The following BLTP3B variants were observed in gnomAD, a reference collection of about 807,000 sequenced individuals.
The protein encoded by BLTP3B is bridge-like lipid transfer protein family member 3B, also known as UHRF1 (ICBP90) binding protein 1-like.
the BLTP3B span, among the ~76,000 whole-genome samples, chr12:100,038,752 AAT>A: frequency 6.6e-6 from 1 of 152,196 alleles, no homozygotes; most frequent in Non-Finnish European, 1.5e-5. Flanking sequence ...TATTAGAGCA[AAT>A]ATATTAGAGC....
the BLTP3B span, among the ~76,000 whole-genome samples, chr12:100,118,552 G>T: frequency 6.6e-6 from 1 of 152,118 alleles, no homozygotes; most frequent in Non-Finnish European, 1.5e-5. Context: ...TTGGGTAAAA[G>T]AAATACTAAG....
At chr12:100,048,757 A>AGAGAGT in the BLTP3B span, among the ~76,000 whole-genome samples, 714 of 133,264 alleles carry the variant, frequency 5.4e-3, no homozygotes, top group Non-Finnish European at 8.0e-3. Flanking sequence ...AGAGAGAGAG[A>AGAGAGT]GAGAGTGAGA....
chr12:100,062,556 G>T, the BLTP3B span, among the ~76,000 whole-genome samples: 1 of 151,946 alleles, frequency 6.6e-6, no homozygotes, highest in African/African-American at 2.4e-5. Flanking sequence ...TATCTACAGG[G>T]GTCAAGTTTA....
the BLTP3B span, among the ~76,000 whole-genome samples, chr12:100,109,838 C>T: frequency 6.6e-6 from 1 of 151,798 alleles, no homozygotes; most frequent in Non-Finnish European, 1.5e-5. Context: ...TACTGTGTTC[C>T]AAGCTCTTGG....
the BLTP3B span, among the ~76,000 whole-genome samples, chr12:100,072,485 T>C: frequency 5.9e-5 from 9 of 152,280 alleles, 1 homozygote; most frequent in Admixed American, 4.6e-4. Flanking sequence ...GGCAGGAGTA[T>C]GGCTTGAGCC....
chr12:100,104,204 C>CTT, the BLTP3B span, among the ~76,000 whole-genome samples: 1,579 of 131,628 alleles, frequency 0.012, 31 homozygotes, highest in African/African-American at 0.03. Context: ...TTCTTTTTTT[C>CTT]TTTTTTTTTT....
At chr12:100,085,808 T>G in the BLTP3B span, among the ~76,000 whole-genome samples, 8 of 152,126 alleles carry the variant, frequency 5.3e-5, no homozygotes, top group African/African-American at 1.9e-4. Context: ...ACCAGATTGT[T>G]AAGAGCCTAT....
At chr12:100,069,206 C>T in the BLTP3B span, among the ~76,000 whole-genome samples, 1 of 152,038 alleles carries the variant, frequency 6.6e-6, no homozygotes, top group Non-Finnish European at 1.5e-5. Flanking sequence ...AGTAAGACTC[C>T]ATCTCAAAAA....
the BLTP3B span, among the ~76,000 whole-genome samples, chr12:100,081,694 C>T: frequency 6.6e-6 from 1 of 152,164 alleles, no homozygotes; most frequent in Non-Finnish European, 1.5e-5. Context: ...TGCATTAATT[C>T]ACTTGGGATA....
chr12:100,107,425 G>A, the BLTP3B span, among the ~76,000 whole-genome samples: 2 of 151,578 alleles, frequency 1.3e-5, no homozygotes, highest in African/African-American at 4.8e-5. Context: ...CACAAGGTGA[G>A]GAGATTGAGA....
chr12:100,048,994 T>A, the BLTP3B span, among the ~76,000 whole-genome samples: 1 of 152,220 alleles, frequency 6.6e-6, no homozygotes, highest in South Asian at 2.1e-4. Flanking sequence ...ACACTCAGGG[T>A]AACCATTTTG....
chr12:100,121,684 G>C, the BLTP3B span, among the ~76,000 whole-genome samples: 2 of 151,974 alleles, frequency 1.3e-5, no homozygotes, highest in African/African-American at 4.8e-5. Context: ...TACAAAATTA[G>C]CGGGCGTGGT....
chr12:100,108,365 C>A, the BLTP3B span: 5 of 1,599,162 alleles, frequency 3.1e-6, no homozygotes, highest in Non-Finnish European at 4.3e-6. Flanking sequence ...AAATATCAAG[C>A]CACAGATATC....
At chr12:100,061,528 G>A in the BLTP3B span, among the ~76,000 whole-genome samples, 1 of 152,008 alleles carries the variant, frequency 6.6e-6, no homozygotes, top group Non-Finnish European at 1.5e-5. Context: ...GTGGTGGCGG[G>A]CGCCTGTAGT....
chr12:100,126,386 C>T, the BLTP3B span, among the ~76,000 whole-genome samples: 1 of 151,918 alleles, frequency 6.6e-6, no homozygotes, highest in African/African-American at 2.4e-5. Context: ...GGGTTTTAAC[C>T]TACACATCAA....
chr12:100,049,839 TAC>T, the BLTP3B span, among the ~76,000 whole-genome samples: 1 of 151,872 alleles, frequency 6.6e-6, no homozygotes, highest in South Asian at 2.1e-4. Context: ...TGTCTAGGTC[TAC>T]ACACACACAC....
the BLTP3B span, among the ~76,000 whole-genome samples, chr12:100,073,586 T>C: frequency 6.6e-6 from 1 of 151,954 alleles, no homozygotes; most frequent in Non-Finnish European, 1.5e-5. Flanking sequence ...TGTGTGTATA[T>C]ATATATAATT....
chr12:100,142,546 G>T, the BLTP3B span: 1 of 1,593,490 alleles, frequency 6.3e-7, no homozygotes, highest in East Asian at 2.3e-5. Context: ...TCCAGTGCGG[G>T]CTGGGGTGGA....
At chr12:100,119,298 C>A in the BLTP3B span, among the ~76,000 whole-genome samples, 75 of 151,858 alleles carry the variant, frequency 4.9e-4, no homozygotes, top group African/African-American at 1.7e-3. Flanking sequence ...TGAAGAAGAT[C>A]TAAATAAATG....
Sources: allele counts gnomAD v4.1 joint callset (sites outside exome capture counted in the v4.1 genomes callset), GRCh38; gene constraint gnomAD v4.1.1; transcripts MANE v1.5; gene names NCBI Gene and HGNC (gene_info 2026-07-23, HGNC 2026-07-21).